SHISA9: variants seen among roughly 807,000 people sequenced by gnomAD.
SHISA9 encodes shisa family member 9.
Under a neutral mutation model 38.0 loss-of-function variants are expected in SHISA9, and 13 were observed. The ratio of observed to expected loss-of-function variants is 0.34; its 90% CI spans 0.22 to 0.54. The LOEUF is 0.54. Ranked by LOEUF, SHISA9 falls within the 20% of genes least tolerant of loss-of-function variation. The pLI is 0.91. For synonymous variants in SHISA9, 275 were observed against 242.0 expected, an observed-to-expected ratio of 1.14 and a Z score of -1.27; for missense variants, 538 against 575.8, an observed-to-expected ratio of 0.93 and a Z score of 0.67.
chr16:12,948,064 T>C (rs4780483), intron 2 of SHISA9, among the ~76,000 whole-genome samples: 28,225 of 152,112 alleles, frequency 0.19, 3,231 homozygotes, highest in Middle Eastern at 0.32. Context: ...GACTGTGTAC[T>C]AGACAATGTG....
the SHISA9 span, among the ~76,000 whole-genome samples, chr16:13,505,989 C>T: frequency 6.6e-6 from 1 of 152,226 alleles, no homozygotes; most frequent in African/African-American, 2.4e-5. Flanking sequence ...GTACCTAACT[C>T]TGTCATCTGT....
the SHISA9 span, among the ~76,000 whole-genome samples, chr16:13,531,514 A>T: frequency 2.0e-5 from 3 of 152,100 alleles, no homozygotes; most frequent in Non-Finnish European, 4.4e-5. Flanking sequence ...TGATGTTTAA[A>T]CCCAGGCAGC....
chr16:13,487,917 G>A, the SHISA9 span, among the ~76,000 whole-genome samples: 1 of 152,136 alleles, frequency 6.6e-6, no homozygotes, highest in African/African-American at 2.4e-5. Flanking sequence ...GGAAAGTGCT[G>A]GATGGCAGGG....
At chr16:13,095,638 T>G (rs1344006356) in intron 2 of SHISA9, among the ~76,000 whole-genome samples, 2 of 152,208 alleles carry the variant, frequency 1.3e-5, no homozygotes, top group African/African-American at 2.4e-5. Flanking sequence ...GGTTTCCAAG[T>G]ATGGGAGGAT....
chr16:12,921,316 C>T (rs1375306455), intron 2 of SHISA9, among the ~76,000 whole-genome samples: 2 of 152,170 alleles, frequency 1.3e-5, no homozygotes, highest in African/African-American at 4.8e-5. Flanking sequence ...TAGGACAGTT[C>T]CCAAACGGAC....
chr16:13,102,794 G>C (rs1567212900), intron 2 of SHISA9, among the ~76,000 whole-genome samples: 1 of 152,100 alleles, frequency 6.6e-6, no homozygotes, highest in Non-Finnish European at 1.5e-5. Flanking sequence ...TCAATATGTG[G>C]CACCCAATGT....
chr16:13,305,530 G>C, the SHISA9 span, among the ~76,000 whole-genome samples: 1 of 152,140 alleles, frequency 6.6e-6, no homozygotes, highest in Non-Finnish European at 1.5e-5. Flanking sequence ...ACTCTCCCTT[G>C]CTTGCTCTGC....
At chr16:12,951,311 C>T (rs1339123144) in intron 2 of SHISA9, among the ~76,000 whole-genome samples, 4 of 150,250 alleles carry the variant, frequency 2.7e-5, no homozygotes, top group Non-Finnish European at 3.0e-5. Flanking sequence ...TTGTGGCTCT[C>T]GTTACGTTTC....
chr16:13,131,795 A>C lies in SHISA9; in HGVS notation c.692-71599A>C, dbSNP rs1221184112. Among the ~76,000 whole-genome samples the C allele has an allele frequency of 4.1e-4, 63 of 152,136 alleles. 1 individual carries two copies. Among genetic ancestry groups the C allele is most frequent in the Admixed American group, 4.1e-3 (63 of 15,280 alleles). ...CTAAGGAACTTGCCTGAAGCCTCAC[A>C]ACCTATTTGGGACAGAGTTCTGGTC... On this transcript the variant is annotated intron_variant, in intron 2 of 4. Transcript: ENST00000558583.
chr16:13,333,301 T>C, the SHISA9 span, among the ~76,000 whole-genome samples: 1 of 152,230 alleles, frequency 6.6e-6, no homozygotes, highest in Non-Finnish European at 1.5e-5. Context: ...CCTCTTCTGA[T>C]TCTTCAGGCA....
chr16:13,242,265 T>C (rs1326402110), downstream of SHISA9, among the ~76,000 whole-genome samples: 1 of 152,210 alleles, frequency 6.6e-6, no homozygotes, highest in African/African-American at 2.4e-5. Context: ...CGCATGTGAA[T>C]CAGTGGGGCA....
At chr16:13,327,915 T>C in the SHISA9 span, among the ~76,000 whole-genome samples, 1 of 152,094 alleles carries the variant, frequency 6.6e-6, no homozygotes, top group Non-Finnish European at 1.5e-5. Flanking sequence ...CACTTCGGCC[T>C]CCCAAAGTGC....
chr16:13,021,289 C>G (rs559400177), intron 2 of SHISA9, among the ~76,000 whole-genome samples: 323 of 152,234 alleles, frequency 2.1e-3, no homozygotes, highest in Non-Finnish European at 3.5e-3. Flanking sequence ...GGACGCTGCT[C>G]AAATATCTTA....
chr16:13,240,644 A>T (rs530459354), downstream of SHISA9, among the ~76,000 whole-genome samples: 1 of 152,334 alleles, frequency 6.6e-6, no homozygotes, highest in Admixed American at 6.5e-5. Flanking sequence ...CCTAGTTCAC[A>T]TCCTTTTGCC....
chr16:13,421,274 C>T, the SHISA9 span, among the ~76,000 whole-genome samples: 111,719 of 151,990 alleles, frequency 0.74, 41,284 homozygotes, highest in Admixed American at 0.82. Context: ...TGTATTAATC[C>T]GTTTTCATAC....
chr16:13,363,903 G>A, the SHISA9 span, among the ~76,000 whole-genome samples: 1 of 152,140 alleles, frequency 6.6e-6, no homozygotes, highest in South Asian at 2.1e-4. Context: ...CTAAGAACTT[G>A]TTATAAATGC....
At chr16:13,151,964 T>C (rs1050885239) in intron 2 of SHISA9, among the ~76,000 whole-genome samples, 2 of 152,214 alleles carry the variant, frequency 1.3e-5, no homozygotes, top group African/African-American at 2.4e-5. Context: ...TTTCAATGAA[T>C]GAATGGACAG....
chr16:13,247,276 CA>C, the SHISA9 span, among the ~76,000 whole-genome samples: 7 of 152,122 alleles, frequency 4.6e-5, no homozygotes, highest in Non-Finnish European at 1.0e-4. Flanking sequence ...GAAGGGATTA[CA>C]ATGAGAGATT....
rs1219381214 is a variant in SHISA9 at position 12,970,442 on chromosome 16, C to T, written c.691+53627C>T. Among the ~76,000 whole-genome samples, 105 of 41,018 alleles carry T rather than the reference C, an allele frequency of 2.6e-3. 1 individual carries two copies. Among genetic ancestry groups the T allele is most frequent in the East Asian group, 6.9e-3 (16 of 2,326 alleles). 26.9% of individuals were successfully genotyped at this position (41,018 alleles called of 152,430 possible). On this transcript the variant is annotated intron_variant, in intron 2 of 4. Transcript: ENST00000558583. ...ACACATATATGTATATATATATACA[C>T]ACATATATATATACATATATGTGTG...
Sources: gnomAD v4.1 joint callset for allele counts (sites outside exome capture counted in the v4.1 genomes callset) on GRCh38, gnomAD v4.1.1 for gene constraint, MANE v1.5 for transcripts, NCBI Gene and HGNC (gene_info 2026-07-23, HGNC 2026-07-21) for gene names.